The following MLLT3 variants were observed in gnomAD, a reference collection of about 807,000 sequenced individuals.
MLLT3 encodes the protein MLLT3 super elongation complex subunit, also known as protein AF-9.
Under a neutral mutation model 53.2 loss-of-function variants are expected in MLLT3, and 4 were observed. The observed-to-expected ratio is 0.08, with a 90% CI of 0.04 to 0.17. The LOEUF (loss-of-function observed/expected upper bound fraction) is 0.17, where lower values mean the gene tolerates loss of function less well. Ranked by LOEUF, MLLT3 falls within the 10% of genes least tolerant of loss-of-function variation. The pLI is 1.00. For missense variants in MLLT3, 569 were observed against 684.0 expected (o/e 0.83, Z 1.87); for synonymous variants, 283 against 230.6 (o/e 1.23, Z -2.06).
chr9:20,413,843 T>C lies in MLLT3; in HGVS notation c.1003A>G (p.Met335Val). Residue 335 changes from methionine (M) to valine (V), a missense_variant, in exon 5 of 11, where the codon ATG becomes GTG. Transcript: ENST00000380338. The part of the protein sequence containing the change: ...KQIKDKSHVK[M>V]GKVKIESETS... ...TCACTTTCAATTTTGACCTTTCCCA[T>C]CTTGACATGAGATTTATCTTTTATC... 1 of 1,614,108 alleles carries C rather than the reference T, an allele frequency of 6.2e-7. No individual in the cohort carries two copies. Among genetic ancestry groups the C allele is most frequent in the Non-Finnish European group, 8.5e-7 (1 of 1,180,008 alleles).
rs192644116 is a variant in MLLT3, at chr9:20,485,540, C to G, written c.194-28754G>C. On this transcript the variant is annotated intron_variant, in intron 2 of 10. Coordinates refer to ENST00000380338, the MANE Select transcript of MLLT3 (RefSeq NM_004529.4). The stretch of plus-strand genomic sequence containing the variant: ...ATTCATTTACTATAATATCACTACA[C>G]TTGTTTATTTCTCACACGTTCCAAA... 3.3e-4 allele frequency among the ~76,000 whole-genome samples: 50 copies of G among 152,284 alleles called. No individual in the cohort carries two copies. The South Asian group carries it at 3.5e-3, about 11-fold the overall frequency.
chr9:20,462,028 T>C (rs1248981831), intron 2 of MLLT3, among the ~76,000 whole-genome samples: 1 of 152,130 alleles, frequency 6.6e-6, no homozygotes, highest in Non-Finnish European at 1.5e-5. Context: ...GCAAACAAGA[T>C]CCTGTTCAGC....
chr9:20,355,287 A>C, intron 8 of MLLT3, among the ~76,000 whole-genome samples: 1 of 152,160 alleles, frequency 6.6e-6, no homozygotes, highest in East Asian at 1.9e-4. Flanking sequence ...ACTAGTGTTC[A>C]GTATGCTAGG....
chr9:20,500,702 T>C (rs1312346911), intron 2 of MLLT3, among the ~76,000 whole-genome samples: 1 of 152,220 alleles, frequency 6.6e-6, no homozygotes, highest in Non-Finnish European at 1.5e-5. Context: ...TTTCTCCCAA[T>C]ACTGTTTTCC....
intron 5 of MLLT3, among the ~76,000 whole-genome samples, chr9:20,398,254 T>A (rs1424169774): frequency 6.6e-6 from 1 of 151,986 alleles, no homozygotes. Context: ...CTCAGCTTAT[T>A]TTTTAGTTTT....
At chr9:20,455,807 A>G (rs752886823) in intron 3 of MLLT3, among the ~76,000 whole-genome samples, 8 of 152,018 alleles carry the variant, frequency 5.3e-5, no homozygotes, top group Non-Finnish European at 1.0e-4. Context: ...TAACCACCTT[A>G]TGAGGTAAGT....
intron 5 of MLLT3, among the ~76,000 whole-genome samples, chr9:20,408,894 T>A (rs545496047): frequency 2.0e-5 from 3 of 152,258 alleles, no homozygotes; most frequent in South Asian, 2.1e-4. Context: ...TCTTTCTTTT[T>A]GAAAGAAATT....
intron 2 of MLLT3, among the ~76,000 whole-genome samples, chr9:20,515,459 G>T (rs1162919488): frequency 6.6e-6 from 1 of 152,094 alleles, no homozygotes; most frequent in South Asian, 2.1e-4. Flanking sequence ...TCTTGGGCTT[G>T]AAGCCAACAC....
At chr9:20,362,373 T>A (rs1219793556) in intron 7 of MLLT3, among the ~76,000 whole-genome samples, 2 of 152,212 alleles carry the variant, frequency 1.3e-5, no homozygotes, top group African/African-American at 4.8e-5. Context: ...GAGCAGCCAG[T>A]GGTCAGGATT....
intron 2 of MLLT3, among the ~76,000 whole-genome samples, chr9:20,617,680 A>C (rs1490289271): frequency 1.3e-5 from 2 of 152,194 alleles, no homozygotes; most frequent in Non-Finnish European, 2.9e-5. Context: ...TAGTTTAAAA[A>C]TGCATCATAC....
intron 2 of MLLT3, among the ~76,000 whole-genome samples, chr9:20,552,132 G>A (rs1167351597): frequency 5.9e-5 from 9 of 152,184 alleles, no homozygotes; most frequent in Non-Finnish European, 1.3e-4. Context: ...ATTCTCAGAA[G>A]CATATTGGCA....
chr9:20,390,953 T>C (rs1586913202), intron 5 of MLLT3, among the ~76,000 whole-genome samples: 1 of 152,138 alleles, frequency 6.6e-6, no homozygotes, highest in Non-Finnish European at 1.5e-5. Context: ...TCTCATTTTT[T>C]GAAAAAAGGT....
At chr9:20,363,450 A>G in intron 7 of MLLT3, 26 bp downstream of exon 7, 1 of 1,612,022 alleles carries the variant, frequency 6.2e-7, no homozygotes, top group Non-Finnish European at 8.5e-7. Context: ...CATCACAGGC[A>G]ACCCCTTTCC....
At chr9:20,460,520 C>T (rs1344640538) in intron 2 of MLLT3, among the ~76,000 whole-genome samples, 1 of 152,174 alleles carries the variant, frequency 6.6e-6, no homozygotes, top group Non-Finnish European at 1.5e-5. Flanking sequence ...GAACATCTCC[C>T]TTGGCTCTCT....
chr9:20,611,475 G>A (rs1372938490), intron 2 of MLLT3, among the ~76,000 whole-genome samples: 1 of 151,562 alleles, frequency 6.6e-6, no homozygotes, highest in Non-Finnish European at 1.5e-5. Context: ...AATTTCTACT[G>A]GAAAGGAACA....
chr9:20,492,055 T>C (rs910176018), intron 2 of MLLT3, among the ~76,000 whole-genome samples: 2 of 152,026 alleles, frequency 1.3e-5, no homozygotes, highest in South Asian at 2.1e-4. Context: ...TATTAACCTA[T>C]TTAGAAAAAA....
intron 2 of MLLT3, among the ~76,000 whole-genome samples, chr9:20,529,194 C>G (rs1818269370): frequency 6.6e-6 from 1 of 152,180 alleles, no homozygotes; most frequent in South Asian, 2.1e-4. Flanking sequence ...TTTATTAACT[C>G]AGGTGATCCA....
chr9:20,426,429 ATTATATT>A (rs1482931702), intron 4 of MLLT3, among the ~76,000 whole-genome samples: 1 of 152,180 alleles, frequency 6.6e-6, no homozygotes, highest in African/African-American at 2.4e-5. Flanking sequence ...CAATCTTCAG[ATTATATT>A]ACTAATCACA....
chr9:20,428,055 T>C lies in MLLT3; in HGVS notation c.421-13630A>G, dbSNP rs73648213. Reference sequence around the variant, plus strand: ...TAACTGATATAATACGGTGAGAGTATTTCCACCACACAAATAAGTAAACAC... The same window carrying C: ...TAACTGATATAATACGGTGAGAGTACTTCCACCACACAAATAAGTAAACAC... On this transcript the variant is annotated intron_variant, in intron 4 of 10. Coordinates refer to ENST00000380338, the MANE Select transcript of MLLT3 (RefSeq NM_004529.4). 8.5e-3 allele frequency among the ~76,000 whole-genome samples: 1,295 copies of C among 152,156 alleles called. 7 individuals are homozygous for C. Among genetic ancestry groups the C allele is most frequent in the African/African-American group, 0.027 (1,133 of 41,532 alleles).
Sources: gnomAD v4.1 joint callset for allele counts (sites outside exome capture counted in the v4.1 genomes callset) on GRCh38, gnomAD v4.1.1 for gene constraint, MANE v1.5 for transcripts, NCBI Gene and HGNC (gene_info 2026-07-23, HGNC 2026-07-21) for gene names.